The following LIMS2 variants were observed in gnomAD, a reference collection of about 807,000 sequenced individuals.
The protein encoded by LIMS2 is LIM and senescent cell antigen-like-containing domain protein 2.
LIMS2 carries 30 observed loss-of-function variants against 45.3 expected under a neutral mutation model. The ratio of observed to expected loss-of-function variants is 0.66; its 90% CI spans 0.50 to 0.90. LIMS2 has a LOEUF of 0.90. Among genes scored for constraint, LIMS2 ranks in the 40% least tolerant of loss-of-function variants. The probability of loss-of-function intolerance (pLI) is 0.00; values close to 1 mark genes in which losing one functional copy is unlikely to be tolerated. For synonymous variants in LIMS2, 173 were observed against 188.0 expected (o/e 0.92, Z 0.65); for missense variants, 485 against 468.7 (o/e 1.03, Z -0.32).
chr2:127,642,314 G>A lies in LIMS2; in HGVS notation c.510-115C>T. On this transcript the variant is annotated intron_variant, in intron 5 of 9. Transcript: ENST00000355119. This position sits in a 1 kb window ranked among gnomAD's most constrained non-coding sequence, Gnocchi z 5.3. Reference sequence around the variant, plus strand: ...GAGGGGCCCATTCTGTCCCTGCAGAGCCGAGGCGGCAGCGCCTTCTGATCT... The same window carrying A: ...GAGGGGCCCATTCTGTCCCTGCAGAACCGAGGCGGCAGCGCCTTCTGATCT... 1.6e-6 allele frequency: 2 copies of A among 1,241,344 alleles called. No homozygotes were observed. Among genetic ancestry groups the A allele is most frequent in the African/African-American group, 1.5e-5 (1 of 65,554 alleles). The allele number at this position is 1,241,344 out of a possible 1,614,324, so 76.9% of individuals were successfully genotyped here.
intron 1 of LIMS2, among the ~76,000 whole-genome samples, chr2:127,666,516 A>G (rs1413075987): frequency 6.6e-6 from 1 of 152,184 alleles, no homozygotes; most frequent in East Asian, 1.9e-4. Flanking sequence ...AGCAGAATGG[A>G]ATATTATGAA....
At chr2:127,650,971 C>A in intron 4 of LIMS2, 1 of 1,613,830 alleles carries the variant, frequency 6.2e-7, no homozygotes, top group Non-Finnish European at 8.5e-7. Context: ...GCCGACTTGT[C>A]GTGCGTGCTG....
chr2:127,642,112 C>G lies in LIMS2; in HGVS notation c.597G>C (p.Gly199=), dbSNP rs571840535. ...GGCCCTCGATGGGCCGGCGGCAGGCCCCGCAGATGGGGACGCCCATCTTGT... is the reference window on the plus strand; with the variant it reads ...GGCCCTCGATGGGCCGGCGGCAGGCGCCGCAGATGGGGACGCCCATCTTGT... ...CHDKMGVPIC[G]ACRRPIEGRV... Residue 199 remains glycine, a synonymous_variant, in exon 6 of 10, where the codon GGG becomes GGC. Transcript: ENST00000355119. This position sits in a 1 kb window ranked among gnomAD's most constrained non-coding sequence, Gnocchi z 5.3. 6.2e-7 allele frequency: 1 copy of G among 1,608,560 alleles called. No individual in the cohort carries two copies. Among genetic ancestry groups the G allele is most frequent in the Non-Finnish European group, 8.5e-7 (1 of 1,177,502 alleles).
intron 4 of LIMS2, among the ~76,000 whole-genome samples, chr2:127,649,073 A>AAGAAG (rs1683364329): frequency 7.3e-6 from 1 of 137,210 alleles, no homozygotes; most frequent in African/African-American, 2.6e-5. Flanking sequence ...GGAAGGAAGG[A>AAGAAG]AAAAGAAAAG....
chr2:127,651,865 A>C, intron 4 of LIMS2: 109 of 965,636 alleles, frequency 1.1e-4, no homozygotes, highest in Non-Finnish European at 1.5e-4. Flanking sequence ...CTGAAATCTC[A>C]GCAGATGCCC....
At chr2:127,659,059 G>A (rs145389462) in intron 1 of LIMS2, among the ~76,000 whole-genome samples, 8 of 152,220 alleles carry the variant, frequency 5.3e-5, no homozygotes, top group East Asian at 1.9e-4. Context: ...AGGGGTGGAC[G>A]ACAGGGCTGC....
At chr2:127,649,609 G>A (rs1683489735) in intron 4 of LIMS2, among the ~76,000 whole-genome samples, 1 of 152,246 alleles carries the variant, frequency 6.6e-6, no homozygotes, top group African/African-American at 2.4e-5. Flanking sequence ...CGCAGGCCTG[G>A]GTTGGGGAGG....
Position 127,673,868 on chromosome 2 carries a change from C to G in LIMS2, c.11+1146G>C, listed in dbSNP as rs186721547. ...CAGTGGGCCTGCAGATGCCACTCTC[C>G]GGGGGATGAGTCCCTCCATCTCACT... On this transcript the variant is annotated intron_variant, in intron 1 of 9. Transcript: ENST00000355119. The G allele has an allele frequency of 1.6e-5, 13 of 791,442 alleles. No individual in the cohort carries two copies. In the East Asian group the frequency reaches 3.5e-4, roughly 21 times the overall value. The allele number at this position is 791,442 out of a possible 1,614,324, so 49.0% of individuals were successfully genotyped here. A position where few individuals can be genotyped will look rare whatever the true frequency, so the allele number is the denominator to read the frequency against.
chr2:127,640,189 G>T, intron 8 of LIMS2, 44 bp from the exon 9 acceptor site: 1 of 1,612,088 alleles, frequency 6.2e-7, no homozygotes, highest in Non-Finnish European at 8.5e-7. Context: ...CTAGGCTGCC[G>T]CAGGCCCGGC....
chr2:127,651,726 A>G (rs1683820292), intron 4 of LIMS2: 1 of 1,612,716 alleles, frequency 6.2e-7, no homozygotes, highest in Non-Finnish European at 8.5e-7. Context: ...AACCAACGAG[A>G]GCTCGCTGAG....
rs1393852481 is a variant in LIMS2, at chr2:127,671,210, T to A, written c.11+3804A>T. On this transcript the variant is annotated intron_variant, in intron 1 of 9. Transcript: ENST00000355119. The surrounding 1 kb of genome is among the most constrained non-coding windows in gnomAD (Gnocchi z 4.1). ...ACTTTGGGAGGCCAAGGTGGGTGGA[T>A]CAAGAGGTCAGAAGATCAAGACCAC... 2.6e-5 allele frequency among the ~76,000 whole-genome samples: 4 copies of A among 151,814 alleles called. No homozygotes were observed. The highest frequency in any genetic ancestry group is 2.9e-5 in the Non-Finnish European group (2 of 67,966).
chr2:127,679,222 C>G (rs1014618999), upstream of LIMS2, among the ~76,000 whole-genome samples: 4 of 152,074 alleles, frequency 2.6e-5, no homozygotes, highest in Non-Finnish European at 5.9e-5. This position sits in a 1 kb window ranked among gnomAD's most constrained non-coding sequence, Gnocchi z 5.3. Context: ...CAGGAGCACC[C>G]CTCCCTGGGG....
intron 4 of LIMS2, chr2:127,651,518 C>T: frequency 6.2e-7 from 1 of 1,612,710 alleles, no homozygotes; most frequent in Middle Eastern, 1.6e-4. Context: ...ACGTGCTGCA[C>T]TACCGCAGCC....
chr2:127,658,337 T>C (rs1178871305), intron 1 of LIMS2, among the ~76,000 whole-genome samples: 1 of 152,188 alleles, frequency 6.6e-6, no homozygotes, highest in African/African-American at 2.4e-5. Flanking sequence ...AGGCCGAGGC[T>C]GAGTGCCACT....
In LIMS2 at chr2:127,654,864, G is replaced by C; in HGVS notation, c.204C>G (p.Phe68Leu). ...CACAGCACGGAGCAAACAGCATTTGGAAGTCGTGTTCGCAGTACTTCCGGC... is the reference window on the plus strand; with the variant it reads ...CACAGCACGGAGCAAACAGCATTTGCAAGTCGTGTTCGCAGTACTTCCGGC... ...FEGRKYCEHDFQMLFAPCCGS... is the reference protein window; with the variant it reads ...FEGRKYCEHDLQMLFAPCCGS... Residue 68 changes from phenylalanine to leucine, a missense_variant, in exon 3 of 10, where the codon TTC (phenylalanine) becomes TTG (leucine). Transcript: ENST00000355119. 1 of 1,614,192 alleles carries C rather than the reference G, an allele frequency of 6.2e-7. No individual in the cohort carries two copies. Among genetic ancestry groups the C allele is most frequent in the Non-Finnish European group, 8.5e-7 (1 of 1,180,038 alleles).
chr2:127,662,936 T>G (rs1684773383), intron 1 of LIMS2, among the ~76,000 whole-genome samples: 1 of 152,246 alleles, frequency 6.6e-6, no homozygotes, highest in African/African-American at 2.4e-5. Flanking sequence ...CCATATCTCT[T>G]TGCTCTAGTG....
chr2:127,680,397 G>A (rs1685590685), upstream of LIMS2, among the ~76,000 whole-genome samples: 1 of 152,234 alleles, frequency 6.6e-6, no homozygotes, highest in South Asian at 2.1e-4. Context: ...AGGTTACAGT[G>A]AGCTATGATT....
In LIMS2 at chr2:127,668,668, C is replaced by CAAAAAAAAAAAAAA. The variant is rs70985469; in HGVS notation, c.11+6332_11+6345dup. Among the ~76,000 whole-genome samples the CAAAAAAAAAAAAAA allele has an allele frequency of 1.4e-3, 25 of 17,266 alleles. 1 individual carries two copies. The highest frequency in any genetic ancestry group is 2.2e-3 in the African/African-American group (12 of 5,556). 11.3% of individuals were successfully genotyped at this position (17,266 alleles called of 152,430 possible). A position where few individuals can be genotyped will look rare whatever the true frequency, so the allele number is the denominator to read the frequency against. On this transcript the variant is annotated intron_variant, in intron 1 of 9. Transcript: ENST00000355119. ...TGGGTGACAGAGTGAGACTCCGTCT[C>CAAAAAAAAAAAAAA]AAAAAAAAAAAAAAAAAAAAAAAAA...
In LIMS2 at chr2:127,675,050, T is replaced by G. The variant is rs1197947262; in HGVS notation, c.-26A>C. On this transcript the variant is annotated 5_prime_UTR_variant, in exon 1 of 10. Transcript: ENST00000355119. ...GGTGGCAGCGACGCCGAGCCCTGGG[T>G]TGCCGGGGTTGCCGCGGGTCTCCCT... 6 of 1,025,320 alleles carry G rather than the reference T, an allele frequency of 5.9e-6. No homozygotes were observed. Among genetic ancestry groups the G allele is most frequent in the Non-Finnish European group, 7.4e-6 (6 of 808,546 alleles). 63.5% of individuals were successfully genotyped at this position (1,025,320 alleles called of 1,614,324 possible).
Sources: allele counts gnomAD v4.1 joint callset (sites outside exome capture counted in the v4.1 genomes callset), GRCh38; gene constraint gnomAD v4.1.1; non-coding constraint Gnocchi (gnomAD v3.1); transcripts MANE v1.5; gene names NCBI Gene and HGNC (gene_info 2026-07-23, HGNC 2026-07-21).